Variants in KCNC4 observed in about 807,000 individuals in gnomAD.
KCNC4 encodes the protein potassium voltage-gated channel subfamily C member 4, also known as voltage-gated potassium channel KCNC4.
A neutral mutation model predicts 42.8 loss-of-function variants in KCNC4; 23 were observed. That is an observed-to-expected ratio of 0.54 (90% CI 0.39 to 0.76). The LOEUF is 0.76. KCNC4 is among the 30% of genes least tolerant of loss of function. The probability of loss-of-function intolerance (pLI) is 0.00; values close to 1 mark genes in which losing one functional copy is unlikely to be tolerated. For synonymous variants in KCNC4, 422 were observed against 393.5 expected (o/e 1.07, Z -0.86); for missense variants, 751 against 898.2 (o/e 0.84, Z 2.10).
exon 4 of KCNC4, chr1:110,246,803 T>G (rs1297889779): frequency 6.7e-6 from 1 of 149,166 alleles, no homozygotes; most frequent in Non-Finnish European, 1.5e-5. Flanking sequence ...TGGGTACAAG[T>G]GCAATTTTGC....
intron 1 of KCNC4, among the ~76,000 whole-genome samples, chr1:110,262,923 T>C (rs1177395625): frequency 6.6e-6 from 1 of 152,134 alleles, no homozygotes; most frequent in Non-Finnish European, 1.5e-5. Context: ...GCATCTGTGG[T>C]GAGACTCCGC....
chr1:110,216,448 C>T (rs1249172522), intron 1 of KCNC4, among the ~76,000 whole-genome samples: 1 of 152,256 alleles, frequency 6.6e-6, no homozygotes, highest in African/African-American at 2.4e-5. Context: ...GGCATCCTCC[C>T]AGTTTCCTCT....
At chr1:110,232,087 C>A in intron 3 of KCNC4, 1 of 762,654 alleles carries the variant, frequency 1.3e-6, no homozygotes, top group Non-Finnish European at 2.2e-6. Flanking sequence ...TACCTGTGCT[C>A]CCACTGGTAA....
chr1:110,269,195 G>A (rs934526554), intron 1 of KCNC4, among the ~76,000 whole-genome samples: 1 of 152,074 alleles, frequency 6.6e-6, no homozygotes, highest in African/African-American at 2.4e-5. Flanking sequence ...GTTTATTAAA[G>A]TGCAATTTAC....
intron 3 of KCNC4, among the ~76,000 whole-genome samples, chr1:110,231,571 G>C (rs1256762687): frequency 2.6e-5 from 4 of 152,122 alleles, no homozygotes; most frequent in Non-Finnish European, 5.9e-5. Flanking sequence ...CATTCTCACC[G>C]GTGCATCTTA....
chr1:110,278,930 T>C (rs1659773184), intron 1 of KCNC4, among the ~76,000 whole-genome samples: 1 of 152,174 alleles, frequency 6.6e-6, no homozygotes, highest in Non-Finnish European at 1.5e-5. Context: ...GGGGCCCAAC[T>C]GCAACCTTTC....
Position 110,214,000 on chromosome 1 carries a change from C to T in KCNC4, c.678+1823C>T, listed in dbSNP as rs572906379. Among the ~76,000 whole-genome samples, 3 of 152,296 alleles carry T rather than the reference C, an allele frequency of 2.0e-5. No individual in the cohort carries two copies. In the South Asian group the frequency reaches 6.2e-4, roughly 32 times the overall value. ...GCTTTTCACCTGCTCTTCTTCCCCTCTGGAATTCCAGGTGGCACCCCACAT... is the reference window on the plus strand; with the variant it reads ...GCTTTTCACCTGCTCTTCTTCCCCTTTGGAATTCCAGGTGGCACCCCACAT... On this transcript the variant is annotated intron_variant, in intron 1 of 3. Coordinates refer to ENST00000438661, the MANE Select transcript of KCNC4 (RefSeq NM_001039574.3).
Position 110,211,435 on chromosome 1 carries a change from G to A in KCNC4, c.-65G>A. On this transcript the variant is annotated 5_prime_UTR_variant, in exon 1 of 4. Transcript: ENST00000438661. The surrounding 1 kb of genome is among the most constrained non-coding windows in gnomAD (Gnocchi z 6.5). Reference sequence around the variant, plus strand: ...TCCTCCCCCTCCCCCGTCTGACGCTGCCTCCTCGGGAAGGGTGTTTGGAGG... The same window carrying A: ...TCCTCCCCCTCCCCCGTCTGACGCTACCTCCTCGGGAAGGGTGTTTGGAGG... 6.6e-7 allele frequency: 1 copy of A among 1,519,532 alleles called. No individual in the cohort carries two copies. The highest frequency in any genetic ancestry group is 8.8e-7 in the Non-Finnish European group (1 of 1,130,336). 94.1% of individuals were successfully genotyped at this position (1,519,532 alleles called of 1,614,324 possible).
At position 110,223,098 on chromosome 1, in the gene KCNC4, C is replaced by A; in HGVS notation, c.813C>A (p.Phe271Leu). The A allele has an allele frequency of 6.2e-7, 1 of 1,614,216 alleles. No individual in the cohort carries two copies. Among genetic ancestry groups the A allele is most frequent in the Non-Finnish European group, 8.5e-7 (1 of 1,180,030 alleles). ...LRVGNITSVH[F>L]RREVETEPIL... ...TAGGGAACATCACCAGCGTGCACTT[C>A]CGGCGGGAGGTAGAGACAGAGCCCA... is the stretch of plus-strand genomic sequence containing the variant. Residue 271 changes from phenylalanine to leucine, a missense_variant, in exon 2 of 4, where the codon TTC becomes TTA. Transcript: ENST00000438661. This position sits in a 1 kb window ranked among gnomAD's most constrained non-coding sequence, Gnocchi z 7.5.
At chr1:110,262,334 C>T (rs952372453) in intron 1 of KCNC4, among the ~76,000 whole-genome samples, 6 of 152,244 alleles carry the variant, frequency 3.9e-5, no homozygotes, top group Non-Finnish European at 7.3e-5. Context: ...GCTGGGATTA[C>T]AGGCATGAGC....
chr1:110,217,417 C>T, intron 1 of KCNC4, among the ~76,000 whole-genome samples: 1 of 152,038 alleles, frequency 6.6e-6, no homozygotes, highest in Non-Finnish European at 1.5e-5. Flanking sequence ...AATAAAATTT[C>T]CATGTGGGTA....
At chr1:110,254,098 G>T (rs576148547), downstream of KCNC4, among the ~76,000 whole-genome samples, 3 of 141,224 alleles carry the variant, frequency 2.1e-5, 1 homozygote, top group Non-Finnish European at 4.7e-5. Flanking sequence ...GTCGGGGGGG[G>T]GGCGGCGTTT....
At chr1:110,237,826 G>A (rs1250422290), downstream of KCNC4, 1 of 152,266 alleles carries the variant, frequency 6.6e-6, no homozygotes, top group Non-Finnish European at 1.5e-5. Context: ...CTGGAGCGAG[G>A]GGAGTGTCCT....
chr1:110,252,081 C>G (rs568584222), downstream of KCNC4, among the ~76,000 whole-genome samples: 1 of 152,322 alleles, frequency 6.6e-6, no homozygotes, highest in South Asian at 2.1e-4. Flanking sequence ...CAGGCCTGCA[C>G]AGCCCACCAA....
intron 1 of KCNC4, chr1:110,220,654 C>G (rs551201023): frequency 6.4e-4 from 97 of 152,346 alleles, no homozygotes; most frequent in African/African-American, 2.1e-3. Context: ...TGTCCCTGCC[C>G]CTTACCTCAA....
intron 1 of KCNC4, 124 bp from the exon 2 acceptor site, chr1:110,222,840 G>A (rs1005146988): frequency 7.3e-6 from 5 of 688,172 alleles, no homozygotes; most frequent in Non-Finnish European, 1.2e-5. Context: ...GACTCCATAC[G>A]TTAATCCCAC....
chr1:110,271,983 T>G (rs1045268897), intron 1 of KCNC4, among the ~76,000 whole-genome samples: 2 of 151,682 alleles, frequency 1.3e-5, no homozygotes, highest in Non-Finnish European at 3.0e-5. Context: ...GATGGACAGA[T>G]CCCCCCTTCC....
At chr1:110,224,141 G>A (rs1658268833) in intron 2 of KCNC4, 3 of 540,088 alleles carry the variant, frequency 5.6e-6, no homozygotes, top group Admixed American at 3.3e-5. Flanking sequence ...AGGGTGTGAT[G>A]GGCAGTACAT....
intron 1 of KCNC4, among the ~76,000 whole-genome samples, chr1:110,275,985 C>A (rs1037097945): frequency 9.6e-5 from 14 of 146,418 alleles, no homozygotes; most frequent in African/African-American, 3.2e-4. Flanking sequence ...AGAATGAAAT[C>A]ATGTATTTTT....
Sources: allele counts gnomAD v4.1 joint callset (sites outside exome capture counted in the v4.1 genomes callset), GRCh38; gene constraint gnomAD v4.1.1; non-coding constraint Gnocchi (gnomAD v3.1); transcripts MANE v1.5; gene names NCBI Gene and HGNC (gene_info 2026-07-23, HGNC 2026-07-21).